The following DNAI4 variants were observed in gnomAD, a reference collection of about 807,000 sequenced individuals.
DNAI4 encodes the protein dynein axonemal intermediate chain 4.
In DNAI4, 85 loss-of-function variants were observed where a neutral mutation model predicts 105.8. The ratio of observed to expected loss-of-function variants is 0.80; its 90% confidence interval spans 0.67 to 0.96. DNAI4 has a LOEUF of 0.96. Among genes scored for constraint, DNAI4 ranks in the 40% least tolerant of loss-of-function variants. The probability of loss-of-function intolerance (pLI) is 0.00; values close to 1 mark genes in which losing one functional copy is unlikely to be tolerated. For synonymous variants in DNAI4, 352 were observed against 331.5 expected, an observed-to-expected ratio of 1.06 and a Z score of -0.67; for missense variants, 1,014 against 1,005.6, an observed-to-expected ratio of 1.01 and a Z score of -0.11.
rs189898228 is a variant in DNAI4, at chr1:66,871,361, A to C, written c.940+9T>G. On this transcript the variant is annotated intron_variant, in intron 6 of 16. Transcript: ENST00000371026. ...ATTATAGTTTATCAAGCAGAATGAT[A>C]GAAATTACCTTTATCTTCCATTATG... The C allele has an allele frequency of 5.6e-6, 9 of 1,599,336 alleles. No homozygotes were observed. The African/African-American group carries it at 1.1e-4, about 19-fold the overall frequency.
chr1:66,837,292 G>A (rs1275354167), intron 10 of DNAI4, among the ~76,000 whole-genome samples: 2 of 149,642 alleles, frequency 1.3e-5, no homozygotes, highest in African/African-American at 5.0e-5. Flanking sequence ...TAAACCCCGG[G>A]AGGCAGAGTT....
rs1228877364 is a variant in DNAI4 at position 66,813,211 on chromosome 1, T to C, written c.*919A>G. ...ATTTCATATGCCCTATCGTCTCCTCTCCACTTAGAATGCTTTATAGAACAG... is the reference window on the plus strand; with the variant it reads ...ATTTCATATGCCCTATCGTCTCCTCCCCACTTAGAATGCTTTATAGAACAG... On this transcript the variant is annotated 3_prime_UTR_variant, in exon 17 of 17. Transcript: ENST00000371026. 3 of 152,308 alleles carry C rather than the reference T, an allele frequency of 2.0e-5. No homozygotes were observed. Among genetic ancestry groups the C allele is most frequent in the African/African-American group, 7.2e-5 (3 of 41,446 alleles). The allele number at this position is 152,308 out of a possible 1,614,324, so 9.4% of individuals were successfully genotyped here. A position where few individuals can be genotyped will look rare whatever the true frequency, so the allele number is the denominator to read the frequency against.
At chr1:66,903,385 G>C (rs1248722908) in intron 2 of DNAI4, among the ~76,000 whole-genome samples, 1 of 152,118 alleles carries the variant, frequency 6.6e-6, no homozygotes, top group Non-Finnish European at 1.5e-5. Flanking sequence ...TTTCTGTCCT[G>C]CAACTTTGCA....
At chr1:66,885,307 T>C (rs903967682) in intron 4 of DNAI4, among the ~76,000 whole-genome samples, 4 of 152,254 alleles carry the variant, frequency 2.6e-5, no homozygotes, top group African/African-American at 7.2e-5. Flanking sequence ...TGCAAGTTTC[T>C]GACCCATGTC....
chr1:66,849,937 GTACCATTCA>G lies in DNAI4; in HGVS notation c.1097-2268_1097-2260del, dbSNP rs1038726434. Reference sequence around the variant, plus strand: ...AACCTCTGCAACCATAACAACATATGTACCATTCATATCATTATCATCCGAGGATTGGAG... The same window carrying G: ...AACCTCTGCAACCATAACAACATATGTATCATTATCATCCGAGGATTGGAG... On this transcript the variant is annotated intron_variant, in intron 7 of 16. Transcript: ENST00000371026. Among the ~76,000 whole-genome samples the G allele has an allele frequency of 2.0e-4, 31 of 152,148 alleles. No homozygotes were observed. The South Asian group carries it at 4.4e-3, about 21-fold the overall frequency.
intron 16 of DNAI4, among the ~76,000 whole-genome samples, chr1:66,820,256 A>T (rs1001559672): frequency 2.0e-5 from 3 of 152,174 alleles, no homozygotes; most frequent in African/African-American, 7.2e-5. Context: ...TGCAAAAAAA[A>T]ATACAGATGA....
chr1:66,881,461 T>C (rs1283043512), intron 4 of DNAI4, among the ~76,000 whole-genome samples: 1 of 152,222 alleles, frequency 6.6e-6, no homozygotes, highest in African/African-American at 2.4e-5. Context: ...GGATGCAAGA[T>C]ACGGAGTGAA....
chr1:66,921,375 G>A (rs746009658), intron 1 of DNAI4: 11 of 152,222 alleles, frequency 7.2e-5, no homozygotes, highest in Non-Finnish European at 1.5e-5. Context: ...TGCTTCATGA[G>A]ATCCTTTCCA....
intron 7 of DNAI4, 56 bp from the exon 8 acceptor site, chr1:66,847,734 T>C (rs1028630916): frequency 3.0e-6 from 4 of 1,313,654 alleles, no homozygotes; most frequent in East Asian, 2.4e-5. Context: ...GGTTCATACA[T>C]TCTAAAGATT....
Position 66,905,350 on chromosome 1 carries a change from A to C in DNAI4, c.196T>G (p.Ser66Ala). 1.3e-6 allele frequency: 2 copies of C among 1,504,704 alleles called. No homozygotes were observed. The highest frequency in any genetic ancestry group is 2.8e-5 in the South Asian group (2 of 71,592). The allele number at this position is 1,504,704 out of a possible 1,614,324, so 93.2% of individuals were successfully genotyped here. Residue 66 changes from serine to alanine, a missense_variant, in exon 2 of 17, where the codon TCT becomes GCT. Coordinates refer to ENST00000371026, the MANE Select transcript of DNAI4 (RefSeq NM_024763.5). The part of the protein sequence containing the change: ...GLNNATQPKK[S>A]ISFFATMKAT... ...TTCATTGTAGCAAAAAAGCTAATAG[A>C]CTTCTTTGGTTGTGTGGCATTGTTC...
intron 7 of DNAI4, among the ~76,000 whole-genome samples, chr1:66,850,346 T>C (rs964594271): frequency 1.3e-5 from 2 of 152,074 alleles, no homozygotes; most frequent in Admixed American, 1.3e-4. Context: ...GGAATAATTC[T>C]ATACCCAGTG....
At chr1:66,845,365 G>C (rs1483928544) in intron 8 of DNAI4, among the ~76,000 whole-genome samples, 1 of 152,086 alleles carries the variant, frequency 6.6e-6, no homozygotes, top group African/African-American at 2.4e-5. Context: ...CCAGCATCAG[G>C]TGTTATAAAG....
chr1:66,917,011 A>T (rs997786573), intron 1 of DNAI4, among the ~76,000 whole-genome samples: 1 of 152,158 alleles, frequency 6.6e-6, no homozygotes, highest in Admixed American at 6.5e-5. Context: ...TTCCAAAATC[A>T]ATTTATAAAT....
chr1:66,877,034 A>G (rs1646973129), intron 4 of DNAI4, among the ~76,000 whole-genome samples: 2 of 152,154 alleles, frequency 1.3e-5, no homozygotes, highest in South Asian at 2.1e-4. Context: ...GCTCCAATTC[A>G]TCATATTTAC....
intron 7 of DNAI4, among the ~76,000 whole-genome samples, chr1:66,859,122 T>G (rs1646569256): frequency 6.6e-6 from 1 of 152,142 alleles, no homozygotes; most frequent in Admixed American, 6.6e-5. Context: ...CATAGGACCC[T>G]TAAAACTCAA....
chr1:66,849,961 G>A (rs535891507), intron 7 of DNAI4, among the ~76,000 whole-genome samples: 84 of 152,082 alleles, frequency 5.5e-4, no homozygotes, highest in African/African-American at 1.9e-3. Context: ...ATTATCATCC[G>A]AGGATTGGAG....
chr1:66,924,844 G>GC lies in DNAI4; in HGVS notation c.-14dup, dbSNP rs764969355. 9 of 1,611,828 alleles carry GC rather than the reference G, an allele frequency of 5.6e-6. No individual in the cohort carries two copies. The Admixed American group carries it at 6.7e-5, about 12-fold the overall frequency. On this transcript the variant is annotated 5_prime_UTR_variant, in exon 1 of 17. Transcript: ENST00000371026. ...TGCCGGGCGTCATGGCGACGGTGGA[G>GC]CCCTGGCTCAACAAGCGGCCGCGCG...
intron 6 of DNAI4, among the ~76,000 whole-genome samples, chr1:66,869,639 A>G (rs911627237): frequency 1.3e-5 from 2 of 152,216 alleles, no homozygotes; most frequent in African/African-American, 4.8e-5. Flanking sequence ...GTTTGCACCA[A>G]TTAAGAAACT....
At chr1:66,877,293 C>T (rs546828474) in intron 4 of DNAI4, among the ~76,000 whole-genome samples, 2 of 152,254 alleles carry the variant, frequency 1.3e-5, no homozygotes, top group African/African-American at 4.8e-5. Flanking sequence ...CCAGAGACAA[C>T]CTGTGCATGA....
Sources: gnomAD v4.1 joint callset for allele counts (sites outside exome capture counted in the v4.1 genomes callset) on GRCh38, gnomAD v4.1.1 for gene constraint, MANE v1.5 for transcripts, NCBI Gene and HGNC (gene_info 2026-07-23, HGNC 2026-07-21) for gene names.